Variants in PIP4K2B observed in about 807,000 individuals in gnomAD.
PIP4K2B encodes the protein phosphatidylinositol 5-phosphate 4-kinase type-2 beta.
A neutral mutation model predicts 42.0 loss-of-function variants in PIP4K2B; 3 were observed. The observed-to-expected ratio is 0.07, with a 90% CI of 0.03 to 0.18. PIP4K2B has a LOEUF of 0.18. Among genes scored for constraint, PIP4K2B ranks in the 10% least tolerant of loss-of-function variants. The probability of loss-of-function intolerance (pLI) is 1.00; values close to 1 mark genes in which losing one functional copy is unlikely to be tolerated. For missense variants in PIP4K2B, 332 were observed against 562.3 expected (o/e 0.59, Z 4.14); for synonymous variants, 204 against 210.1 (o/e 0.97, Z 0.25).
intron 7 of PIP4K2B, 37 bp downstream of exon 7, chr17:38,777,650 A>C (rs1437080320): frequency 7.5e-7 from 1 of 1,336,778 alleles, no homozygotes; most frequent in African/African-American, 1.4e-5. Flanking sequence ...TAGGTACAGA[A>C]GGAGCCTTGC....
rs964190829 is a variant in PIP4K2B, at chr17:38,771,174, T to C, written c.906A>G (p.Ala302=). 6 of 1,614,002 alleles carry C rather than the reference T, an allele frequency of 3.7e-6. No homozygotes were observed. In the African/African-American group the frequency reaches 4.0e-5, roughly 11 times the overall value. ...CATCATTCTCACACTCCTCGTCCTCTGCCCGCTCCTCCACCTCCATCTCCT... is the reference window on the plus strand; with the variant it reads ...CATCATTCTCACACTCCTCGTCCTCCGCCCGCTCCTCCACCTCCATCTCCT... ...EQEEMEVEER[A]EDEECENDGV... The change falls in exon 8 of 10, where the codon GCA becomes GCG. Residue 302 remains alanine, a synonymous_variant. Transcript: ENST00000619039.
chr17:38,789,072 G>A (rs1469536837), intron 1 of PIP4K2B, among the ~76,000 whole-genome samples: 1 of 152,164 alleles, frequency 6.6e-6, no homozygotes, highest in Non-Finnish European at 1.5e-5. Flanking sequence ...TGAGCTGACT[G>A]CACCACTGCA....
At chr17:38,798,488 A>T (rs1598061668) in intron 1 of PIP4K2B, among the ~76,000 whole-genome samples, 1 of 152,302 alleles carries the variant, frequency 6.6e-6, no homozygotes, top group Middle Eastern at 3.4e-3. Flanking sequence ...CATAATCACT[A>T]TGCATCATCA....
intron 1 of PIP4K2B, among the ~76,000 whole-genome samples, chr17:38,790,875 CTAT>C (rs560122899): frequency 1.3e-5 from 2 of 152,034 alleles, no homozygotes; most frequent in African/African-American, 4.8e-5. Context: ...GGGATTAGCC[CTAT>C]TATTATTATT....
At chr17:38,778,268 G>C (rs565082668) in intron 6 of PIP4K2B, 66 bp downstream of exon 6, 4 of 1,472,810 alleles carry the variant, frequency 2.7e-6, no homozygotes, top group Admixed American at 1.7e-5. Context: ...GCGAGGGACA[G>C]GATGGCCGAC....
chr17:38,793,863 C>A (rs1347195144), intron 1 of PIP4K2B, among the ~76,000 whole-genome samples: 1 of 150,612 alleles, frequency 6.6e-6, no homozygotes, highest in Non-Finnish European at 1.5e-5. Context: ...GAGCGCGAGA[C>A]CCTGCCTCAA....
chr17:38,784,938 CCT>C (rs1909925312), intron 2 of PIP4K2B, among the ~76,000 whole-genome samples: 1 of 152,170 alleles, frequency 6.6e-6, no homozygotes, highest in African/African-American at 2.4e-5. Flanking sequence ...CAAGGAAAAA[CCT>C]CTCTCATCAG....
chr17:38,791,267 T>C (rs770012693), intron 1 of PIP4K2B, among the ~76,000 whole-genome samples: 8 of 152,080 alleles, frequency 5.3e-5, no homozygotes, highest in Non-Finnish European at 8.8e-5. Flanking sequence ...CCAAGAGCAC[T>C]TGACATTAGG....
intron 8 of PIP4K2B, among the ~76,000 whole-genome samples, 191 bp downstream of exon 8, chr17:38,770,823 T>C (rs1016174477): frequency 1.1e-4 from 16 of 151,922 alleles, no homozygotes; most frequent in African/African-American, 3.4e-4. Context: ...CAGGGAAGTA[T>C]AGGAAAGCCT....
At chr17:38,786,215 T>C (rs775023933) in intron 2 of PIP4K2B, among the ~76,000 whole-genome samples, 6 of 152,166 alleles carry the variant, frequency 3.9e-5, no homozygotes, top group Non-Finnish European at 8.8e-5. Context: ...CACAGAGGGA[T>C]GGAAAATCCA....
rs1908667201 is a variant in PIP4K2B at position 38,765,738 on chromosome 17, A to G, written c.*3953T>C. On this transcript the variant is annotated 3_prime_UTR_variant, in exon 10 of 10. Transcript: ENST00000619039. Reference sequence around the variant, plus strand: ...ATTTTTTTCCTCAGGTTGGAGATTCATCGTAACATGCATGCATTTTCAAAC... The same window carrying G: ...ATTTTTTTCCTCAGGTTGGAGATTCGTCGTAACATGCATGCATTTTCAAAC... The G allele has an allele frequency of 6.6e-6, 1 of 152,480 alleles. No homozygotes were observed. Among genetic ancestry groups the G allele is most frequent in the South Asian group, 2.1e-4 (1 of 4,820 alleles). The allele number at this position is 152,480 out of a possible 1,614,324, so 9.4% of individuals were successfully genotyped here. A position where few individuals can be genotyped will look rare whatever the true frequency, so the allele number is the denominator to read the frequency against.
intron 2 of PIP4K2B, 115 bp from the exon 3 acceptor site, chr17:38,784,454 T>G: frequency 1.6e-6 from 1 of 616,544 alleles, no homozygotes; most frequent in African/African-American, 1.9e-5. Context: ...CAGACTGGTC[T>G]TGAACTCCTG....
intron 1 of PIP4K2B, among the ~76,000 whole-genome samples, chr17:38,793,557 T>A (rs1212022052): frequency 6.6e-6 from 1 of 152,134 alleles, no homozygotes. Flanking sequence ...CTGAAGATTT[T>A]TAAAGCAGTA....
At chr17:38,777,964 C>G (rs529597698) in intron 6 of PIP4K2B, among the ~76,000 whole-genome samples, 164 bp from the exon 7 acceptor site, 1 of 151,280 alleles carries the variant, frequency 6.6e-6, no homozygotes, top group Non-Finnish European at 1.5e-5. Flanking sequence ...TAGTCCCAGG[C>G]TTTGGGTGGG....
chr17:38,782,197 G>T (rs1035866518), intron 3 of PIP4K2B, among the ~76,000 whole-genome samples: 3 of 152,166 alleles, frequency 2.0e-5, no homozygotes, highest in African/African-American at 7.2e-5. Context: ...TCCCAGCCTG[G>T]CCTCTCTACC....
At chr17:38,773,501 G>A (rs1028221128) in intron 7 of PIP4K2B, among the ~76,000 whole-genome samples, 1 of 152,120 alleles carries the variant, frequency 6.6e-6, no homozygotes, top group Non-Finnish European at 1.5e-5. Context: ...GACAAAGTAT[G>A]GAATGATACA....
chr17:38,770,651 G>T (rs543010954), intron 8 of PIP4K2B, 112 bp from the exon 9 acceptor site: 61 of 711,484 alleles, frequency 8.6e-5, no homozygotes, highest in Middle Eastern at 3.6e-4. Flanking sequence ...TCCTTATCAT[G>T]TTGGGGCTGA....
At chr17:38,789,538 A>G (rs1910232618) in intron 1 of PIP4K2B, among the ~76,000 whole-genome samples, 1 of 152,188 alleles carries the variant, frequency 6.6e-6, no homozygotes, top group Admixed American at 6.5e-5. Flanking sequence ...CCCAGGTGGC[A>G]GTGAGGGGAT....
In PIP4K2B at chr17:38,767,603, A is replaced by C. The variant is rs1908772010; in HGVS notation, c.*2088T>G. The C allele has an allele frequency of 6.6e-6, 1 of 152,196 alleles. No individual in the cohort carries two copies. Among genetic ancestry groups the C allele is most frequent in the South Asian group, 2.1e-4 (1 of 4,830 alleles). 9.4% of individuals were successfully genotyped at this position (152,196 alleles called of 1,614,324 possible). A position where few individuals can be genotyped will look rare whatever the true frequency, so the allele number is the denominator to read the frequency against. On this transcript the variant is annotated 3_prime_UTR_variant, in exon 10 of 10. Coordinates refer to ENST00000619039, the MANE Select transcript of PIP4K2B (RefSeq NM_003559.5). ...TCTTTAACCAGTAAGAATGTGTTAC[A>C]CTTTCCATACACATTATGGCAACAT...
Sources: allele counts gnomAD v4.1 joint callset (sites outside exome capture counted in the v4.1 genomes callset), GRCh38; gene constraint gnomAD v4.1.1; transcripts MANE v1.5; gene names NCBI Gene and HGNC (gene_info 2026-07-23, HGNC 2026-07-21).